Variants in NEGR1 observed in about 807,000 individuals in gnomAD.
The protein encoded by NEGR1 is IgLON family member 4.
In NEGR1, 10 loss-of-function variants were observed where a neutral mutation model predicts 40.9. That is an observed-to-expected ratio of 0.24 (90% CI 0.15 to 0.42). The LOEUF (loss-of-function observed/expected upper bound fraction) is 0.42, where lower values mean the gene tolerates loss of function less well. Among genes scored for constraint, NEGR1 ranks in the 10% least tolerant of loss-of-function variants. The pLI is 1.00. For missense variants in NEGR1, 352 were observed against 438.9 expected, an observed-to-expected ratio of 0.80 and a Z score of 1.77; for synonymous variants, 185 against 166.8, an observed-to-expected ratio of 1.11 and a Z score of -0.84.
intron 3 of NEGR1, among the ~76,000 whole-genome samples, chr1:71,724,103 C>G (rs913979450): frequency 6.6e-6 from 1 of 152,134 alleles, no homozygotes; most frequent in South Asian, 2.1e-4. Flanking sequence ...TCTCCAGTTA[C>G]ATGAAGATTA....
chr1:71,443,958 T>C (rs1188482150), intron 6 of NEGR1, among the ~76,000 whole-genome samples: 1 of 152,184 alleles, frequency 6.6e-6, no homozygotes, highest in Non-Finnish European at 1.5e-5. Flanking sequence ...TGAAAGTTGA[T>C]AGAGAGTTGA....
rs142890329 is a variant in NEGR1 at position 71,605,204 on chromosome 1, T to C, written c.788+5822A>G. Among the ~76,000 whole-genome samples the C allele has an allele frequency of 4.4e-3, 672 of 152,300 alleles. 3 individuals carry two copies. The highest frequency in any genetic ancestry group is 0.015 in the African/African-American group (607 of 41,582). ...CATTTATTTAATACTTTATTTTTAA[T>C]TGACCAATAATAATTTTATATATGT... On this transcript the variant is annotated intron_variant, in intron 5 of 6. Coordinates refer to ENST00000357731, the MANE Select transcript of NEGR1 (RefSeq NM_173808.3).
chr1:71,509,772 G>A (rs1435814336), intron 6 of NEGR1, among the ~76,000 whole-genome samples: 1 of 152,092 alleles, frequency 6.6e-6, no homozygotes, highest in Non-Finnish European at 1.5e-5. Context: ...TCTGGTGTTC[G>A]ACTATTAATG....
intron 1 of NEGR1, among the ~76,000 whole-genome samples, chr1:71,981,637 G>T (rs1434252692): frequency 6.6e-6 from 1 of 152,118 alleles, no homozygotes; most frequent in Admixed American, 6.6e-5. Context: ...TCAGGTGATA[G>T]GCTTTACAAG....
rs1646375726 is a variant in NEGR1 at position 71,984,066 on chromosome 1, C to A, written c.177-48755G>T. Among the ~76,000 whole-genome samples the A allele has an allele frequency of 2.1e-5, 3 of 145,756 alleles. 1 individual carries two copies. The highest frequency in any genetic ancestry group is 4.6e-5 in the Non-Finnish European group (3 of 65,880). ...ATTCCATTTTACCATGTAAAGCTAG[C>A]CCCCAGTAAAAGGAGTTCAAGTTTG... On this transcript the variant is annotated intron_variant, in intron 1 of 6. Transcript: ENST00000357731.
chr1:72,258,271 T>A (rs1400981137), intron 1 of NEGR1, among the ~76,000 whole-genome samples: 4 of 152,100 alleles, frequency 2.6e-5, no homozygotes, highest in Non-Finnish European at 5.9e-5. Flanking sequence ...CTGCTAAACA[T>A]CATCAACACA....
intron 2 of NEGR1, among the ~76,000 whole-genome samples, chr1:71,839,557 G>A (rs995402619): frequency 4.6e-5 from 7 of 151,874 alleles, no homozygotes; most frequent in Non-Finnish European, 1.0e-4. Context: ...AAAGGCACCA[G>A]GGCTTTCTAA....
chr1:71,475,617 G>A (rs1646814596), intron 6 of NEGR1, among the ~76,000 whole-genome samples: 1 of 151,928 alleles, frequency 6.6e-6, no homozygotes, highest in African/African-American at 2.4e-5. Context: ...GCATATCTGA[G>A]TACAGTGTTC....
intron 1 of NEGR1, chr1:72,275,086 C>T (rs1259057529): frequency 2.1e-6 from 2 of 948,834 alleles, no homozygotes; most frequent in East Asian, 2.4e-5. Flanking sequence ...CAGTGACCTC[C>T]TGATACCGAA....
At chr1:72,249,667 G>C (rs928842320) in intron 1 of NEGR1, among the ~76,000 whole-genome samples, 1 of 152,154 alleles carries the variant, frequency 6.6e-6, no homozygotes, top group Non-Finnish European at 1.5e-5. Flanking sequence ...AGATGAATGT[G>C]AGAATAGAAT....
At position 72,158,999 on chromosome 1, in the gene NEGR1, G is replaced by A. The variant is rs1557555553; in HGVS notation, c.176+123320C>T. 4.6e-5 allele frequency among the ~76,000 whole-genome samples: 7 copies of A among 152,066 alleles called. No individual in the cohort carries two copies. The South Asian group carries it at 1.5e-3, about 32-fold the overall frequency. ...AACACAGTTCTTTGATCCTTGCGAG[G>A]CTGAATAAAACATCTGCTGAGACTG... On this transcript the variant is annotated intron_variant, in intron 1 of 6. Coordinates refer to ENST00000357731, the MANE Select transcript of NEGR1 (RefSeq NM_173808.3).
chr1:72,067,340 G>T (rs925753629), intron 1 of NEGR1, among the ~76,000 whole-genome samples: 1 of 151,970 alleles, frequency 6.6e-6, no homozygotes, highest in African/African-American at 2.4e-5. Flanking sequence ...TTTGTAAAAA[G>T]TTCACAGAGT....
intron 4 of NEGR1, among the ~76,000 whole-genome samples, chr1:71,650,504 A>G (rs1283361461): frequency 3.3e-5 from 5 of 152,204 alleles, no homozygotes; most frequent in Non-Finnish European, 7.4e-5. Context: ...AAAATGACCA[A>G]TTTTGAAATG....
intron 1 of NEGR1, among the ~76,000 whole-genome samples, chr1:71,952,165 A>G (rs1020435162): frequency 6.6e-6 from 1 of 151,984 alleles, no homozygotes; most frequent in Non-Finnish European, 1.5e-5. Flanking sequence ...GAAATGATTA[A>G]GGTTAGTGAG....
intron 1 of NEGR1, among the ~76,000 whole-genome samples, chr1:72,187,155 G>C (rs1362689668): frequency 6.6e-6 from 1 of 151,396 alleles, no homozygotes; most frequent in Non-Finnish European, 1.5e-5. Flanking sequence ...AGCTGGAAGA[G>C]ACTTTTCTTT....
chr1:71,544,276 G>A (rs1344509681), intron 6 of NEGR1, among the ~76,000 whole-genome samples: 1 of 151,614 alleles, frequency 6.6e-6, no homozygotes, highest in Non-Finnish European at 1.5e-5. Flanking sequence ...TAGGGGCAAG[G>A]GTGATAGGAG....
At chr1:71,547,310 G>C (rs1412655638) in intron 6 of NEGR1, among the ~76,000 whole-genome samples, 3 of 151,752 alleles carry the variant, frequency 2.0e-5, no homozygotes, top group Non-Finnish European at 4.4e-5. Flanking sequence ...TTTGTCAAGA[G>C]ACAGAGACAA....
At chr1:72,001,579 A>G (rs1419109785) in intron 1 of NEGR1, among the ~76,000 whole-genome samples, 1 of 150,886 alleles carries the variant, frequency 6.6e-6, no homozygotes, top group Non-Finnish European at 1.5e-5. Flanking sequence ...ATTAAAATAG[A>G]AGCATTAACA....
At chr1:71,969,468 G>C (rs1646238386) in intron 1 of NEGR1, among the ~76,000 whole-genome samples, 1 of 152,178 alleles carries the variant, frequency 6.6e-6, no homozygotes, top group East Asian at 1.9e-4. Context: ...GGTAAATTTA[G>C]GTTCTGTGCA....
Sources: gnomAD v4.1 joint callset for allele counts (sites outside exome capture counted in the v4.1 genomes callset) on GRCh38, gnomAD v4.1.1 for gene constraint, MANE v1.5 for transcripts, NCBI Gene and HGNC (gene_info 2026-07-23, HGNC 2026-07-21) for gene names.